PARVB: variants seen among roughly 807,000 people sequenced by gnomAD.
PARVB encodes the protein parvin beta, also known as beta-parvin.
PARVB carries 46 observed loss-of-function variants against 47.0 expected under a neutral mutation model. The observed-to-expected ratio is 0.98, with a 90% CI of 0.77 to 1.25. PARVB has a LOEUF of 1.25. Among genes scored for constraint, PARVB ranks in the 50% most tolerant of loss-of-function variants. The probability of loss-of-function intolerance (pLI) is 0.00; values close to 1 mark genes in which losing one functional copy is unlikely to be tolerated. For missense variants in PARVB, 473 were observed against 471.6 expected (o/e 1.00, Z -0.03); for synonymous variants, 196 against 196.3 (o/e 1.00, Z 0.01).
At chr22:44,059,366 G>C (rs2051379062) in intron 1 of PARVB, among the ~76,000 whole-genome samples, 1 of 152,104 alleles carries the variant, frequency 6.6e-6, no homozygotes, top group South Asian at 2.1e-4. Flanking sequence ...TTATTAGACT[G>C]TTCTAGGTCT....
chr22:44,025,866 A>G (rs1055290927), intron 1 of PARVB, among the ~76,000 whole-genome samples: 2 of 152,170 alleles, frequency 1.3e-5, no homozygotes, highest in African/African-American at 4.8e-5. Context: ...AGCGCCCGCC[A>G]TGGGCCAGGT....
At chr22:44,095,987 G>T (rs914758067) in intron 2 of PARVB, among the ~76,000 whole-genome samples, 4 of 152,180 alleles carry the variant, frequency 2.6e-5, no homozygotes, top group African/African-American at 9.7e-5. Flanking sequence ...ACTTTGGGAG[G>T]CTGTGGCAGG....
chr22:44,117,870 G>T (rs1179834763), intron 3 of PARVB, among the ~76,000 whole-genome samples: 3 of 152,124 alleles, frequency 2.0e-5, no homozygotes, highest in Admixed American at 6.5e-5. Flanking sequence ...CACACACTCT[G>T]TGCCATTGAT....
chr22:44,152,116 C>A (rs1424494497), intron 10 of PARVB: 1 of 152,346 alleles, frequency 6.6e-6, no homozygotes, highest in Non-Finnish European at 1.5e-5. Flanking sequence ...TTCAGAGGTC[C>A]TGGTGATTAG....
chr22:44,016,241 C>T (rs1482225142), intron 2 of PARVB, among the ~76,000 whole-genome samples: 2 of 151,900 alleles, frequency 1.3e-5, no homozygotes, highest in Admixed American at 6.6e-5. Context: ...GGACTACAGG[C>T]ACCTGCCACC....
At chr22:44,030,816 G>T (rs140422869) in intron 1 of PARVB, among the ~76,000 whole-genome samples, 1 of 152,118 alleles carries the variant, frequency 6.6e-6, no homozygotes, top group East Asian at 1.9e-4. Flanking sequence ...ACTTCTTCTC[G>T]TTTCCAGGCC....
At chr22:44,092,667 CT>C (rs1252277673) in intron 1 of PARVB, among the ~76,000 whole-genome samples, 2 of 152,186 alleles carry the variant, frequency 1.3e-5, no homozygotes, top group Admixed American at 6.5e-5. Flanking sequence ...ACATTCAGCC[CT>C]TCCAAAGGCC....
chr22:44,168,697 T>C lies in PARVB; in HGVS notation c.*19T>C. ...GGAGTGACGGGGGAGCTGTGGATGGTGGCAGGAGTGTCCCAGCAAGAAAGG... is the reference window on the plus strand; with the variant it reads ...GGAGTGACGGGGGAGCTGTGGATGGCGGCAGGAGTGTCCCAGCAAGAAAGG... On this transcript the variant is annotated 3_prime_UTR_variant, in exon 13 of 13. Coordinates refer to ENST00000338758, the MANE Select transcript of PARVB (RefSeq NM_013327.5). The C allele has an allele frequency of 6.5e-7, 1 of 1,542,442 alleles. No individual in the cohort carries two copies. The highest frequency in any genetic ancestry group is 9.0e-7 in the Non-Finnish European group (1 of 1,114,860).
intron 1 of PARVB, 47 bp downstream of exon 1, chr22:44,024,498 G>A: frequency 1.9e-6 from 2 of 1,032,892 alleles, no homozygotes; most frequent in Non-Finnish European, 2.4e-6. Flanking sequence ...CTGCCCGGCG[G>A]TGCCCGCCCT....
At chr22:44,075,241 C>T (rs528407615) in intron 1 of PARVB, among the ~76,000 whole-genome samples, 11 of 152,336 alleles carry the variant, frequency 7.2e-5, no homozygotes, top group African/African-American at 2.2e-4. Flanking sequence ...CGCACATGCA[C>T]GCATGCATAC....
rs540410322 is a variant in PARVB, at chr22:44,040,135, C to G, written c.112+15684C>G. The stretch of plus-strand genomic sequence containing the variant: ...GAGAGTGGTTTGAGATACGCAGGTG[C>G]AGCATTTGTCAAAACTCTGCATGTG... On this transcript the variant is annotated intron_variant, in intron 1 of 12. Transcript: ENST00000338758. Among the ~76,000 whole-genome samples the G allele has an allele frequency of 2.6e-5, 4 of 152,242 alleles. No individual in the cohort carries two copies. In the South Asian group the frequency reaches 8.3e-4, roughly 32 times the overall value.
At chr22:44,039,786 C>T in intron 1 of PARVB, 1 of 448,342 alleles carries the variant, frequency 2.2e-6, no homozygotes, top group Non-Finnish European at 4.5e-6. Flanking sequence ...CCAAGACAGA[C>T]CAAAAGAGTA....
chr22:44,082,669 G>A (rs988890269), intron 1 of PARVB, among the ~76,000 whole-genome samples: 4 of 152,198 alleles, frequency 2.6e-5, no homozygotes, highest in Admixed American at 1.3e-4. Flanking sequence ...CCGGTTTCTC[G>A]CCCAGGTGGG....
chr22:44,004,155 G>A (rs1027035114), intron 2 of PARVB, among the ~76,000 whole-genome samples: 4 of 152,304 alleles, frequency 2.6e-5, no homozygotes, highest in Middle Eastern at 6.8e-3. Context: ...CAAACTAGAT[G>A]TTTGCCAAAG....
At chr22:44,131,013 C>T (rs1256589205) in intron 4 of PARVB, among the ~76,000 whole-genome samples, 1 of 124,770 alleles carries the variant, frequency 8.0e-6, no homozygotes, top group Non-Finnish European at 1.7e-5. Flanking sequence ...TTTTGAGTTC[C>T]TCCAGTATAT....
chr22:44,137,984 G>C (rs1012315647), intron 7 of PARVB, among the ~76,000 whole-genome samples: 4 of 152,112 alleles, frequency 2.6e-5, no homozygotes, highest in African/African-American at 9.7e-5. Flanking sequence ...TAGGTGAGGG[G>C]GTCCCATATG....
At chr22:44,076,875 T>G (rs2051786271) in intron 1 of PARVB, among the ~76,000 whole-genome samples, 1 of 151,980 alleles carries the variant, frequency 6.6e-6, no homozygotes, top group Non-Finnish European at 1.5e-5. Context: ...TCCCCAGCCC[T>G]CGGTATGTGG....
chr22:44,031,746 T>G (rs1239828264), intron 1 of PARVB, among the ~76,000 whole-genome samples: 2 of 152,230 alleles, frequency 1.3e-5, no homozygotes, highest in East Asian at 3.9e-4. Flanking sequence ...CCCTGTCCAG[T>G]CGTCAGAATA....
chr22:44,098,742 C>G (rs1340884228), intron 2 of PARVB, among the ~76,000 whole-genome samples: 1 of 152,236 alleles, frequency 6.6e-6, no homozygotes, highest in Non-Finnish European at 1.5e-5. Flanking sequence ...AGTTTACACT[C>G]TGCTGCCGGG....
Sources: gnomAD v4.1 joint callset for allele counts (sites outside exome capture counted in the v4.1 genomes callset) on GRCh38, gnomAD v4.1.1 for gene constraint, MANE v1.5 for transcripts, NCBI Gene and HGNC (gene_info 2026-07-23, HGNC 2026-07-21) for gene names.